CRIM1: variants seen among roughly 807,000 people sequenced by gnomAD.
CRIM1 encodes the protein cysteine rich transmembrane BMP regulator 1.
A neutral mutation model predicts 116.4 loss-of-function variants in CRIM1; 32 were observed. That is an observed-to-expected ratio of 0.27 (90% CI 0.21 to 0.37). CRIM1 has a LOEUF of 0.37. Ranked by LOEUF, CRIM1 falls within the 10% of genes least tolerant of loss-of-function variation. CRIM1 has a pLI of 1.00. For missense variants in CRIM1, 1,331 were observed against 1,354.8 expected (o/e 0.98, Z 0.28); for synonymous variants, 590 against 509.2 (o/e 1.16, Z -2.13).
At chr2:36,431,172 C>A (rs371663440) in intron 2 of CRIM1, among the ~76,000 whole-genome samples, 1 of 151,988 alleles carries the variant, frequency 6.6e-6, no homozygotes. Context: ...CTTGGGACAT[C>A]GCGTTAGGTG....
At chr2:36,398,860 A>C (rs1157204954) in intron 2 of CRIM1, among the ~76,000 whole-genome samples, 1 of 152,232 alleles carries the variant, frequency 6.6e-6, no homozygotes, top group Admixed American at 6.5e-5. Context: ...TTAGTGATGA[A>C]ATCATACTTA....
chr2:36,538,392 C>CGG (rs1666704963), intron 14 of CRIM1, among the ~76,000 whole-genome samples: 1 of 151,444 alleles, frequency 6.6e-6, no homozygotes, highest in South Asian at 2.1e-4. Flanking sequence ...TGAAGGCTCA[C>CGG]TCTAAGATCT....
chr2:36,546,989 G>T lies in CRIM1; in HGVS notation c.2752G>T (p.Gly918Cys), dbSNP rs201730313. 2.1e-4 allele frequency: 332 copies of T among 1,578,392 alleles called. 1 individual carries two copies. The highest frequency in any genetic ancestry group is 2.6e-4 in the Non-Finnish European group (303 of 1,161,336). ...NDIVHLPRDM[G>C]HLQVDYRDNR... ...TATAATTTTTTTTCTCCTAGATATG[G>T]GTCACCTCCAGGTAGATTACAGAGA... The change falls in exon 16 of 17, where the codon GGT becomes TGT. Residue 918 changes from glycine (G) to cysteine (C), a missense_variant. Gly to Cys is a radical substitution (Grantham distance 159, BLOSUM62 -3). Transcript: ENST00000280527.
intron 2 of CRIM1, among the ~76,000 whole-genome samples, chr2:36,408,237 A>T (rs1189662224): frequency 3.9e-5 from 6 of 152,216 alleles, no homozygotes; most frequent in Non-Finnish European, 7.3e-5. Flanking sequence ...CCAACCCAGG[A>T]TGCCTAAAAA....
chr2:36,368,930 C>G (rs901195726), intron 1 of CRIM1, among the ~76,000 whole-genome samples: 3 of 152,132 alleles, frequency 2.0e-5, no homozygotes, highest in Non-Finnish European at 4.4e-5. Context: ...CTCTTTCTTT[C>G]CATTTTAAAA....
At position 36,486,749 on chromosome 2, in the gene CRIM1, A is replaced by G. The variant is rs1010691026; in HGVS notation, c.1372+7055A>G. 3.3e-5 allele frequency among the ~76,000 whole-genome samples: 5 copies of G among 152,306 alleles called. No individual in the cohort carries two copies. The South Asian group carries it at 6.2e-4, about 19-fold the overall frequency. ...CTAATAGATCAGACTTGGGCCTGCT[A>G]ATTTTCATCTAATCAACAGAGGCAG... On this transcript the variant is annotated intron_variant, in intron 7 of 16. Transcript: ENST00000280527.
chr2:36,361,882 A>G (rs1046134421), intron 1 of CRIM1, among the ~76,000 whole-genome samples: 21 of 152,142 alleles, frequency 1.4e-4, no homozygotes, highest in African/African-American at 5.1e-4. Flanking sequence ...TTGAGGGAGA[A>G]ACAGTAGACT....
intron 7 of CRIM1, among the ~76,000 whole-genome samples, chr2:36,491,280 G>C (rs1242488662): frequency 6.6e-6 from 1 of 152,078 alleles, no homozygotes; most frequent in African/African-American, 2.4e-5. Flanking sequence ...CCCATCTCAG[G>C]AAACCGAGTG....
At chr2:36,419,004 C>T (rs1272393504) in intron 2 of CRIM1, among the ~76,000 whole-genome samples, 1 of 152,190 alleles carries the variant, frequency 6.6e-6, no homozygotes, top group Non-Finnish European at 1.5e-5. Flanking sequence ...CTTCTCCTTC[C>T]TCTCTCCTGC....
intron 2 of CRIM1, among the ~76,000 whole-genome samples, chr2:36,435,184 A>T (rs1309056257): frequency 6.6e-6 from 1 of 152,132 alleles, no homozygotes; most frequent in Non-Finnish European, 1.5e-5. Flanking sequence ...GTGTCGGAAA[A>T]AACAGTGACC....
At chr2:36,435,047 T>C (rs1357008946) in intron 2 of CRIM1, among the ~76,000 whole-genome samples, 1 of 152,200 alleles carries the variant, frequency 6.6e-6, no homozygotes, top group African/African-American at 2.4e-5. Context: ...ATTGTCTGTC[T>C]TCTCCAGAAT....
chr2:36,428,743 G>C (rs1674646749), intron 2 of CRIM1, among the ~76,000 whole-genome samples: 1 of 152,172 alleles, frequency 6.6e-6, no homozygotes, highest in African/African-American at 2.4e-5. Context: ...AAGTGATTCA[G>C]AATGCTTTAC....
intron 4 of CRIM1, among the ~76,000 whole-genome samples, chr2:36,460,114 G>A (rs1246155050): frequency 6.6e-6 from 1 of 151,994 alleles, no homozygotes; most frequent in Non-Finnish European, 1.5e-5. Flanking sequence ...AAAAAAAAAA[G>A]ACAGCTTTAC....
rs1360772936 is a variant in CRIM1, at chr2:36,513,755, A to G, written c.1980A>G (p.Pro660=). 1.9e-6 allele frequency: 3 copies of G among 1,613,812 alleles called. No individual in the cohort carries two copies. Among genetic ancestry groups the G allele is most frequent in the Admixed American group, 3.3e-5 (2 of 59,982 alleles). Residue 660 remains proline, a synonymous_variant, in exon 11 of 17, where the codon CCA becomes CCG. Transcript: ENST00000280527. ...NPTIHPGQCC[P]SCADDFVVQK... is the part of the protein sequence containing the mutation. ...CCATTCACCCTGGACAGTGCTGCCC[A>G]TCATGTGCAGGTAAAAGCTGGCTGC...
intron 2 of CRIM1, among the ~76,000 whole-genome samples, chr2:36,411,392 C>G (rs181860212): frequency 3.5e-4 from 54 of 152,174 alleles, no homozygotes; most frequent in African/African-American, 1.3e-3. Flanking sequence ...AACTAAACCT[C>G]TTTAGTCAGG....
chr2:36,425,917 T>G (rs533510388), intron 2 of CRIM1, among the ~76,000 whole-genome samples: 5 of 152,354 alleles, frequency 3.3e-5, no homozygotes, highest in Non-Finnish European at 7.3e-5. Flanking sequence ...TGTAGTGGTT[T>G]GTCATTTGAA....
chr2:36,480,072 C>T (rs1679290637), intron 7 of CRIM1, among the ~76,000 whole-genome samples: 1 of 152,122 alleles, frequency 6.6e-6, no homozygotes, highest in African/African-American at 2.4e-5. Context: ...TTCCATATGC[C>T]CAAGCGTCCT....
At chr2:36,397,322 CAAG>C (rs1672098841) in intron 2 of CRIM1, among the ~76,000 whole-genome samples, 1 of 152,096 alleles carries the variant, frequency 6.6e-6, no homozygotes, top group South Asian at 2.1e-4. Flanking sequence ...ATTCAAGTAA[CAAG>C]AAAATTATAC....
chr2:36,528,383 GC>G, intron 13 of CRIM1, among the ~76,000 whole-genome samples: 1 of 152,366 alleles, frequency 6.6e-6, no homozygotes, highest in East Asian at 1.9e-4. Flanking sequence ...GAAACAGTGT[GC>G]TTTCTGTAGC....
Sources: allele counts gnomAD v4.1 joint callset (sites outside exome capture counted in the v4.1 genomes callset), GRCh38; gene constraint gnomAD v4.1.1; transcripts MANE v1.5; gene names NCBI Gene and HGNC (gene_info 2026-07-23, HGNC 2026-07-21).